Variants in CEP128 observed in about 807,000 individuals in gnomAD.
The protein encoded by CEP128 is centrosomal protein 128.
CEP128 carries 132 observed loss-of-function variants against 156.7 expected under a neutral mutation model. The observed-to-expected ratio is 0.84, with a 90% CI of 0.73 to 0.97. CEP128 has a LOEUF of 0.97. Ranked by LOEUF, CEP128 falls within the 50% of genes least tolerant of loss-of-function variation. CEP128 has a pLI of 0.00. For synonymous variants in CEP128, 469 were observed against 448.9 expected (o/e 1.04, Z -0.57); for missense variants, 1,252 against 1,281.9 (o/e 0.98, Z 0.36).
At chr14:80,828,921 G>C (rs1233147382) in intron 13 of CEP128, among the ~76,000 whole-genome samples, 2 of 152,016 alleles carry the variant, frequency 1.3e-5, no homozygotes. Context: ...GAATGTATAA[G>C]GCAACAGCTC....
intron 19 of CEP128, among the ~76,000 whole-genome samples, chr14:80,594,392 C>G (rs1892223779): frequency 6.6e-6 from 1 of 152,096 alleles, no homozygotes; most frequent in South Asian, 2.1e-4. Flanking sequence ...TAGGCAATAC[C>G]ATTCAGGACA....
intron 21 of CEP128, among the ~76,000 whole-genome samples, chr14:80,550,749 T>C (rs757290363): frequency 9.3e-5 from 14 of 150,940 alleles, no homozygotes; most frequent in Non-Finnish European, 1.5e-4. Flanking sequence ...ATAGACTGGA[T>C]TAGCATTACA....
chr14:80,932,772 A>G (rs887588272), intron 2 of CEP128, among the ~76,000 whole-genome samples: 4 of 152,146 alleles, frequency 2.6e-5, no homozygotes, highest in Admixed American at 6.5e-5. Context: ...ATGCACTTGA[A>G]TCATCCCAAA....
intron 2 of CEP128, among the ~76,000 whole-genome samples, chr14:80,935,646 CAAA>C (rs375122664): frequency 0.019 from 957 of 51,580 alleles, 32 homozygotes; most frequent in African/African-American, 0.081. Flanking sequence ...GTCCCCCCAC[CAAA>C]AAAAAAAAAA....
At chr14:80,690,228 G>A (rs1896671642) in intron 19 of CEP128, among the ~76,000 whole-genome samples, 1 of 137,990 alleles carries the variant, frequency 7.2e-6, no homozygotes. Context: ...CCAACACGGA[G>A]AAACCCTGTC....
At chr14:80,492,785 A>G (rs766836025), downstream of CEP128, among the ~76,000 whole-genome samples, 25 of 152,154 alleles carry the variant, frequency 1.6e-4, no homozygotes, top group Non-Finnish European at 3.5e-4. Context: ...ATATTATCAA[A>G]ATTAAAGTTG....
intron 19 of CEP128, among the ~76,000 whole-genome samples, chr14:80,723,113 A>C: frequency 6.6e-6 from 1 of 152,090 alleles, no homozygotes; most frequent in East Asian, 1.9e-4. Context: ...GCCATGAGCC[A>C]CCGCACCCGG....
At chr14:80,700,032 T>G (rs2139355701) in intron 19 of CEP128, among the ~76,000 whole-genome samples, 1 of 150,450 alleles carries the variant, frequency 6.6e-6, no homozygotes, top group East Asian at 2.1e-4. Context: ...TGGGGAAGGA[T>G]GGAAGTGATA....
Position 80,666,018 on chromosome 14 carries a change from G to T in CEP128, c.2806+77057C>A, listed in dbSNP as rs529359817. 3.1e-3 allele frequency among the ~76,000 whole-genome samples: 479 copies of T among 152,162 alleles called. 1 individual carries two copies. Among genetic ancestry groups the T allele is most frequent in the African/African-American group, 0.011 (457 of 41,514 alleles). ...ACCTTTGAGGTATGAGTAATTCCAG[G>T]GCTTTTCCAATTGCAAAGTCAAAGA... On this transcript the variant is annotated intron_variant, in intron 19 of 24. Coordinates refer to ENST00000555265, the MANE Select transcript of CEP128 (RefSeq NM_152446.5).
chr14:80,709,642 AT>A (rs1194249019), intron 19 of CEP128, among the ~76,000 whole-genome samples: 1 of 152,188 alleles, frequency 6.6e-6, no homozygotes, highest in Non-Finnish European at 1.5e-5. Flanking sequence ...AATAAATGAT[AT>A]TTTATGATGT....
At chr14:80,781,310 A>C (rs894055365) in intron 15 of CEP128, among the ~76,000 whole-genome samples, 1 of 152,128 alleles carries the variant, frequency 6.6e-6, no homozygotes, top group Non-Finnish European at 1.5e-5. Flanking sequence ...TACAAAAATT[A>C]GCTGGGCGTG....
rs187415554 is a variant in CEP128 at position 80,642,005 on chromosome 14, A to T, written c.2807-61582T>A. Among the ~76,000 whole-genome samples, 1,165 of 141,802 alleles carry T rather than the reference A, an allele frequency of 8.2e-3. 24 individuals are homozygous for T. The highest frequency in any genetic ancestry group is 0.028 in the African/African-American group (1,103 of 38,776). The allele number at this position is 141,802 out of a possible 152,430, so 93.0% of individuals were successfully genotyped here. A position where few individuals can be genotyped will look rare whatever the true frequency, so the allele number is the denominator to read the frequency against. On this transcript the variant is annotated intron_variant, in intron 19 of 24. Transcript: ENST00000555265. ...CTCCGGAGGCTGAGGCAGAAGAATGATGTGAACCCGGGAGGCGGAGCTTGC... is the reference window on the plus strand; with the variant it reads ...CTCCGGAGGCTGAGGCAGAAGAATGTTGTGAACCCGGGAGGCGGAGCTTGC...
chr14:80,780,891 T>C (rs968282339), intron 15 of CEP128, among the ~76,000 whole-genome samples: 3 of 152,150 alleles, frequency 2.0e-5, no homozygotes, highest in African/African-American at 7.2e-5. Context: ...CTTATGAACA[T>C]GCAACAAATC....
At chr14:80,643,765 T>C (rs752126257) in intron 19 of CEP128, among the ~76,000 whole-genome samples, 6 of 151,734 alleles carry the variant, frequency 4.0e-5, no homozygotes, top group African/African-American at 1.5e-4. Flanking sequence ...CAAAAAGGCA[T>C]TGGTATCCAA....
intron 19 of CEP128, among the ~76,000 whole-genome samples, chr14:80,661,976 A>G (rs1895419961): frequency 6.6e-6 from 1 of 152,196 alleles, no homozygotes; most frequent in Non-Finnish European, 1.5e-5. Flanking sequence ...TTTCTATTAA[A>G]TCTTCCATCA....
At chr14:80,779,016 G>A (rs978114317) in intron 15 of CEP128, among the ~76,000 whole-genome samples, 1 of 152,104 alleles carries the variant, frequency 6.6e-6, no homozygotes, top group South Asian at 2.1e-4. Flanking sequence ...TTTGAACCCA[G>A]GAATTCTTTC....
intron 19 of CEP128, among the ~76,000 whole-genome samples, chr14:80,653,486 AG>A (rs1894999538): frequency 6.6e-6 from 1 of 152,146 alleles, no homozygotes; most frequent in Non-Finnish European, 1.5e-5. Context: ...ATAAGTGATA[AG>A]GGTGGCTACA....
At chr14:80,492,368 G>T (rs1279298075), downstream of CEP128, among the ~76,000 whole-genome samples, 1 of 152,142 alleles carries the variant, frequency 6.6e-6, no homozygotes, top group Admixed American at 6.5e-5. Flanking sequence ...AATAACAAAA[G>T]TGTTTCATGT....
intron 19 of CEP128, among the ~76,000 whole-genome samples, chr14:80,640,198 T>G (rs1595134347): frequency 6.6e-6 from 1 of 152,314 alleles, no homozygotes; most frequent in African/African-American, 2.4e-5. Context: ...ACTCTCATCT[T>G]TCTTTTCTAG....
Sources: allele counts gnomAD v4.1 joint callset (sites outside exome capture counted in the v4.1 genomes callset), GRCh38; gene constraint gnomAD v4.1.1; transcripts MANE v1.5; gene names NCBI Gene and HGNC (gene_info 2026-07-23, HGNC 2026-07-21).